Variants in ZBED3 observed in about 807,000 individuals in gnomAD.
ZBED3 encodes zinc finger BED-type containing 3.
For missense variants in ZBED3, 388 were observed against 362.9 expected (o/e 1.07, Z -0.56); for synonymous variants, 175 against 180.0 (o/e 0.97, Z 0.22).
intron 1 of ZBED3, among the ~76,000 whole-genome samples, chr5:77,084,649 A>C (rs1378730031): frequency 6.6e-6 from 1 of 152,206 alleles, no homozygotes; most frequent in African/African-American, 2.4e-5. Flanking sequence ...ATTCCGTCAC[A>C]TAATCTCCAC....
intron 1 of ZBED3, among the ~76,000 whole-genome samples, chr5:77,085,534 G>T (rs1235578942): frequency 3.3e-5 from 5 of 152,194 alleles, no homozygotes; most frequent in African/African-American, 7.2e-5. Context: ...GTTGAGCCTG[G>T]ATCTTAGATG....
At chr5:77,082,211 G>A (rs1405713968) in intron 1 of ZBED3, among the ~76,000 whole-genome samples, 1 of 151,202 alleles carries the variant, frequency 6.6e-6, no homozygotes, top group Non-Finnish European at 1.5e-5. Flanking sequence ...AGATTGCAGT[G>A]AGCCGAGATA....
rs1742916921 is a variant in ZBED3, at chr5:77,073,291, G to C, written c.*3883C>G. 6.6e-6 allele frequency: 1 copy of C among 152,024 alleles called. No individual in the cohort carries two copies. Among genetic ancestry groups the C allele is most frequent in the South Asian group, 2.1e-4 (1 of 4,820 alleles). The allele number at this position is 152,024 out of a possible 1,614,324, so 9.4% of individuals were successfully genotyped here. A position where few individuals can be genotyped will look rare whatever the true frequency, so the allele number is the denominator to read the frequency against. Reference sequence around the variant, plus strand: ...TCTAAATCCTTTCCTATGTTTTAATGGTTCTTACAATTGGTGAGATAGAAG... The same window carrying C: ...TCTAAATCCTTTCCTATGTTTTAATCGTTCTTACAATTGGTGAGATAGAAG... On this transcript the variant is annotated 3_prime_UTR_variant, in exon 3 of 3. Coordinates refer to ENST00000255198, the MANE Select transcript of ZBED3 (RefSeq NM_032367.4).
intron 1 of ZBED3, among the ~76,000 whole-genome samples, chr5:77,080,172 C>T (rs997612220): frequency 2.0e-5 from 3 of 152,294 alleles, no homozygotes; most frequent in South Asian, 2.1e-4. Context: ...CACATAAACC[C>T]GCAGATTCTC....
In ZBED3 at chr5:77,074,567, T is replaced by C. The variant is rs1005099383; in HGVS notation, c.*2607A>G. 1.3e-5 allele frequency: 2 copies of C among 152,248 alleles called. No homozygotes were observed. Among genetic ancestry groups the C allele is most frequent in the African/African-American group, 4.8e-5 (2 of 41,446 alleles). The allele number at this position is 152,248 out of a possible 1,614,324, so 9.4% of individuals were successfully genotyped here. Reference sequence around the variant, plus strand: ...GCACCTATGTCATAGGGTTGCTTTATGGCAGGTAATTATTCTTGTAAAGCA... The same window carrying C: ...GCACCTATGTCATAGGGTTGCTTTACGGCAGGTAATTATTCTTGTAAAGCA... On this transcript the variant is annotated 3_prime_UTR_variant, in exon 3 of 3. Coordinates refer to ENST00000255198, the MANE Select transcript of ZBED3 (RefSeq NM_032367.4).
chr5:77,081,776 A>G (rs535473559), intron 1 of ZBED3, among the ~76,000 whole-genome samples: 131 of 152,278 alleles, frequency 8.6e-4, no homozygotes, highest in African/African-American at 3.1e-3. Flanking sequence ...TTTTGCTTAC[A>G]TCCATCCACT....
At chr5:77,084,455 T>TGCCTTTCGCCTTCC (rs1380856889) in intron 1 of ZBED3, among the ~76,000 whole-genome samples, 1 of 152,162 alleles carries the variant, frequency 6.6e-6, no homozygotes, top group African/African-American at 2.4e-5. Flanking sequence ...AGGTAAGAAG[T>TGCCTTTCGCCTTCC]GCCTTTCGCC....
In ZBED3 at chr5:77,077,660, C is replaced by T; in HGVS notation, c.219G>A (p.Gly73=). The T allele has an allele frequency of 2.1e-6, 3 of 1,403,488 alleles. No individual in the cohort carries two copies. The highest frequency in any genetic ancestry group is 1.5e-5 in the South Asian group (1 of 66,534). 86.9% of individuals were successfully genotyped at this position (1,403,488 alleles called of 1,614,324 possible). ...SGHWATCRLC[G]EQVGRGPGFH... ...AGCCCGGGCCGCGGCCCACCTGCTC[C>T]CCGCACAGACGGCAGGTGGCCCAGT... Residue 73 remains glycine, a synonymous_variant, in exon 3 of 3, where the codon GGG becomes GGA. Coordinates refer to ENST00000255198, the MANE Select transcript of ZBED3 (RefSeq NM_032367.4).
rs1470426154 is a variant in ZBED3 at position 77,077,817 on chromosome 5, G to A, written c.62C>T (p.Ala21Val). Residue 21 changes from alanine (A) to valine (V), a missense_variant, in exon 3 of 3, where the codon GCG becomes GTG. Ala to Val is a moderately conservative substitution (Grantham distance 64). Transcript: ENST00000255198. ...DQARGLDDAA[A>V]RGGQCPGLGP... ...CAGTCCCGGACACTGACCGCCCCGC[G>A]CCGCCGCGTCGTCCAGCCCGCGGGC... is the stretch of plus-strand genomic sequence containing the variant. The A allele has an allele frequency of 3.1e-6, 4 of 1,295,982 alleles. No individual in the cohort carries two copies. In the African/African-American group the frequency reaches 4.6e-5, roughly 15 times the overall value. The allele number at this position is 1,295,982 out of a possible 1,614,324, so 80.3% of individuals were successfully genotyped here. A position where few individuals can be genotyped will look rare whatever the true frequency, so the allele number is the denominator to read the frequency against.
rs1742969080 is a variant in ZBED3, at chr5:77,075,944, C to CATACATAT, written c.*1229_*1230insATATGTAT. On this transcript the variant is annotated 3_prime_UTR_variant, in exon 3 of 3. Transcript: ENST00000255198. ...CCTAGAACTTAAAGTATTATATATACATATATATATATATATATATATGTA... is the reference window on the plus strand; with the variant it reads ...CCTAGAACTTAAAGTATTATATATACATACATATATATATATATATATATATATATGTA... 1 of 23,440 alleles carries CATACATAT rather than the reference C, an allele frequency of 4.3e-5. No individual in the cohort carries two copies. The highest frequency in any genetic ancestry group is 1.7e-4 in the African/African-American group (1 of 6,006). The allele number at this position is 23,440 out of a possible 1,614,324, so 1.5% of individuals were successfully genotyped here.
At chr5:77,085,924 T>TA (rs1330268479) in intron 1 of ZBED3, among the ~76,000 whole-genome samples, 3 of 152,216 alleles carry the variant, frequency 2.0e-5, no homozygotes, top group Non-Finnish European at 2.9e-5. Flanking sequence ...ATGTGGACTG[T>TA]AAAAAATACA....
At position 77,072,902 on chromosome 5, in the gene ZBED3, C is replaced by T. The variant is rs1298341843; in HGVS notation, c.*4272G>A. ...ACGCGCCACAGTCACCATCTCCTGA[C>T]AGTGGACAAGTCACTCTCTAGAACC... On this transcript the variant is annotated 3_prime_UTR_variant, in exon 3 of 3. Transcript: ENST00000255198. The T allele has an allele frequency of 6.6e-6, 1 of 152,168 alleles. No homozygotes were observed. Among genetic ancestry groups the T allele is most frequent in the Non-Finnish European group, 1.5e-5 (1 of 68,036 alleles). 9.4% of individuals were successfully genotyped at this position (152,168 alleles called of 1,614,324 possible).
At position 77,075,173 on chromosome 5, in the gene ZBED3, T is replaced by TA. The variant is rs1742951664; in HGVS notation, c.*2000dup. On this transcript the variant is annotated 3_prime_UTR_variant, in exon 3 of 3. Transcript: ENST00000255198. ...AGAGGAGATTACAACTCTGCAGGGA[T>TA]ATGAGCCACGAGTGGAGTGTAGACA... The TA allele has an allele frequency of 6.6e-6, 1 of 152,150 alleles. No homozygotes were observed. The allele number at this position is 152,150 out of a possible 1,614,324, so 9.4% of individuals were successfully genotyped here.
At chr5:77,085,628 T>G (rs1743222506) in intron 1 of ZBED3, among the ~76,000 whole-genome samples, 1 of 152,218 alleles carries the variant, frequency 6.6e-6, no homozygotes, top group Non-Finnish European at 1.5e-5. Flanking sequence ...ACCAGTGACT[T>G]TAATGAAAGC....
chr5:77,084,787 CACCAAAACACATT>C (rs1304051349), intron 1 of ZBED3, among the ~76,000 whole-genome samples: 4 of 152,212 alleles, frequency 2.6e-5, no homozygotes, highest in African/African-American at 9.6e-5. Context: ...TGTTGTCCAT[CACCAAAACACATT>C]ACCCTTAGTA....
At chr5:77,081,603 G>A (rs925975776) in intron 1 of ZBED3, among the ~76,000 whole-genome samples, 1 of 152,076 alleles carries the variant, frequency 6.6e-6, no homozygotes, top group Non-Finnish European at 1.5e-5. Flanking sequence ...ACCTGCCTCG[G>A]CCTCCCAAAG....
In ZBED3 at chr5:77,077,512, C is replaced by G; in HGVS notation, c.367G>C (p.Ala123Pro). Residue 123 changes from alanine to proline, a missense_variant, in exon 3 of 3, where the codon GCG becomes CCG. By Grantham distance (27) the Ala-to-Pro change is conservative. Coordinates refer to ENST00000255198, the MANE Select transcript of ZBED3 (RefSeq NM_032367.4). ...APCPPPPGPA[A>P]APEGDWARLL... ...CGCGCCCAGTCGCCCTCGGGGGCCG[C>G]AGCGGGGCCGGGCGGCGGCGGGCAG... 2 of 1,197,636 alleles carry G rather than the reference C, an allele frequency of 1.7e-6. No individual in the cohort carries two copies. Among genetic ancestry groups the G allele is most frequent in the Non-Finnish European group, 2.1e-6 (2 of 968,924 alleles). 74.2% of individuals were successfully genotyped at this position (1,197,636 alleles called of 1,614,324 possible). A position where few individuals can be genotyped will look rare whatever the true frequency, so the allele number is the denominator to read the frequency against.
At chr5:77,082,030 TTC>T (rs1743138408) in intron 1 of ZBED3, among the ~76,000 whole-genome samples, 1 of 151,924 alleles carries the variant, frequency 6.6e-6, no homozygotes, top group Non-Finnish European at 1.5e-5. Context: ...ACTTTGGGAG[TTC>T]CAAGCAGGTG....
chr5:77,079,029 CAT>C (rs1341438827), intron 1 of ZBED3: 2 of 152,188 alleles, frequency 1.3e-5, no homozygotes, highest in African/African-American at 2.4e-5. Flanking sequence ...AGGATCCAAA[CAT>C]AATGCAATGT....
Sources: gnomAD v4.1 joint callset for allele counts (sites outside exome capture counted in the v4.1 genomes callset) on GRCh38, gnomAD v4.1.1 for gene constraint, MANE v1.5 for transcripts, NCBI Gene and HGNC (gene_info 2026-07-23, HGNC 2026-07-21) for gene names.